The following IL1RAPL2 variants were observed in gnomAD, a reference collection of about 807,000 sequenced individuals.
IL1RAPL2 encodes the protein interleukin 1 receptor accessory protein like 2.
IL1RAPL2 carries 3 observed loss-of-function variants against 44.1 expected under a neutral mutation model. That is an observed-to-expected ratio of 0.07 (90% confidence interval 0.03 to 0.18). The LOEUF is 0.18. Ranked by LOEUF, IL1RAPL2 falls within the 10% of genes least tolerant of loss-of-function variation. IL1RAPL2 has a pLI of 1.00. For missense variants in IL1RAPL2, 391 were observed against 496.4 expected (o/e 0.79, Z 2.02); for synonymous variants, 181 against 178.8 (o/e 1.01, Z -0.10).
At chrX:105,453,352 T>G (rs2036032654) in intron 5 of IL1RAPL2, among the ~76,000 whole-genome samples, 1 of 112,356 alleles carries the variant, frequency 8.9e-6, no homozygotes, top group Admixed American at 9.4e-5. Flanking sequence ...TTGTCCAGAG[T>G]TCTACATTTA....
intron 5 of IL1RAPL2, among the ~76,000 whole-genome samples, chrX:105,355,514 C>G (rs1328793440): frequency 9.0e-6 from 1 of 111,288 alleles, no homozygotes; most frequent in African/African-American, 3.3e-5. Context: ...ATAGCACTCA[C>G]CACATTATAT....
chrX:104,678,533 G>A (rs1468365127), intron 2 of IL1RAPL2, among the ~76,000 whole-genome samples: 1 of 111,425 alleles, frequency 9.0e-6, no homozygotes, highest in African/African-American at 3.3e-5. Flanking sequence ...GTTCAAAGTC[G>A]AGTCTCCCAG....
At chrX:104,828,828 A>G (rs780769770) in intron 2 of IL1RAPL2, among the ~76,000 whole-genome samples, 155 of 112,771 alleles carry the variant, frequency 1.4e-3, no homozygotes, top group Middle Eastern at 4.6e-3. Context: ...TGCCCTGCCC[A>G]GAGAGGAGGA....
At chrX:105,713,521 C>T (rs2038231391) in intron 6 of IL1RAPL2, among the ~76,000 whole-genome samples, 1 of 111,609 alleles carries the variant, frequency 9.0e-6, no homozygotes, top group Admixed American at 9.5e-5. Context: ...ATGGGGGAAA[C>T]TGCCTCCATG....
intron 5 of IL1RAPL2, among the ~76,000 whole-genome samples, chrX:105,387,953 A>G (rs1014528308): frequency 2.8e-5 from 3 of 106,818 alleles, no homozygotes; most frequent in Non-Finnish European, 5.8e-5. Context: ...GTTCGAGACC[A>G]GCGTGACCAA....
rs1203962006 is a variant in IL1RAPL2, at chrX:105,336,974, CT to C, written c.697+69439del. On this transcript the variant is annotated intron_variant, in intron 5 of 10. Coordinates refer to ENST00000372582, the MANE Select transcript of IL1RAPL2 (RefSeq NM_017416.2). Reference sequence around the variant, plus strand: ...TAATTCTGCCTTTCCTGTGAGCTCTCTTTTTTCCATTTCCACCTCCAATACC... The same window carrying C: ...TAATTCTGCCTTTCCTGTGAGCTCTCTTTTTCCATTTCCACCTCCAATACC... Among the ~76,000 whole-genome samples, 7 of 111,615 alleles carry C rather than the reference CT, an allele frequency of 6.3e-5. No homozygotes were observed. The East Asian group carries it at 1.7e-3, about 27-fold the overall frequency.
intron 5 of IL1RAPL2, among the ~76,000 whole-genome samples, chrX:105,330,080 G>A (rs1385390252): frequency 6.3e-5 from 7 of 111,003 alleles, no homozygotes; most frequent in Non-Finnish European, 1.3e-4. Flanking sequence ...TATGACTCAA[G>A]CTAAACTGAC....
At chrX:105,531,320 T>C (rs2036634019) in intron 6 of IL1RAPL2, among the ~76,000 whole-genome samples, 1 of 112,416 alleles carries the variant, frequency 8.9e-6, no homozygotes, top group African/African-American at 3.2e-5. Flanking sequence ...TGAGCACCTT[T>C]TCATATACCT....
At chrX:105,542,142 T>A (rs1046135006) in intron 6 of IL1RAPL2, among the ~76,000 whole-genome samples, 3 of 112,220 alleles carry the variant, frequency 2.7e-5, no homozygotes, top group African/African-American at 9.7e-5. Flanking sequence ...CAAGCTTCAA[T>A]GCTTTTCCAC....
At chrX:105,484,871 G>A (rs763780116) in intron 6 of IL1RAPL2, among the ~76,000 whole-genome samples, 2 of 111,613 alleles carry the variant, frequency 1.8e-5, no homozygotes, top group South Asian at 7.5e-4. Context: ...GAATATTTAT[G>A]AATCATATGA....
chrX:104,877,455 A>C (rs1922938103), intron 2 of IL1RAPL2, among the ~76,000 whole-genome samples: 2 of 112,485 alleles, frequency 1.8e-5, no homozygotes, highest in African/African-American at 6.5e-5. Context: ...TGAGGCCAGC[A>C]TCATCCTGAT....
intron 1 of IL1RAPL2, among the ~76,000 whole-genome samples, chrX:104,620,126 G>A (rs1341159171): frequency 1.8e-5 from 2 of 111,077 alleles, no homozygotes; most frequent in African/African-American, 3.3e-5. Flanking sequence ...GAGTAAGTTA[G>A]AAGTCACATT....
intron 1 of IL1RAPL2, among the ~76,000 whole-genome samples, chrX:104,608,262 A>G (rs971825490): frequency 3.6e-5 from 4 of 110,971 alleles, no homozygotes; most frequent in African/African-American, 1.3e-4. Context: ...TAGCATTAGC[A>G]GAAATACCTA....
chrX:105,315,604 T>TATATA (rs2034833949), intron 5 of IL1RAPL2, among the ~76,000 whole-genome samples: 1 of 21,982 alleles, frequency 4.5e-5, no homozygotes, highest in Admixed American at 9.1e-4. Flanking sequence ...ATATATATGG[T>TATATA]TTTATTAAGT....
intron 5 of IL1RAPL2, among the ~76,000 whole-genome samples, chrX:105,328,716 G>A (rs2034961573): frequency 8.9e-6 from 1 of 111,942 alleles, no homozygotes; most frequent in African/African-American, 3.2e-5. Flanking sequence ...GTGTATGATG[G>A]TGGTCCCATA....
chrX:105,683,906 ATC>A (rs1173606707), intron 6 of IL1RAPL2, among the ~76,000 whole-genome samples: 7 of 112,350 alleles, frequency 6.2e-5, no homozygotes, highest in Non-Finnish European at 1.3e-4. Context: ...CAAATATATC[ATC>A]TCTCTGTAGC....
intron 5 of IL1RAPL2, among the ~76,000 whole-genome samples, chrX:105,471,576 G>A (rs1338011597): frequency 2.9e-5 from 3 of 104,846 alleles, no homozygotes; most frequent in Non-Finnish European, 5.7e-5. Flanking sequence ...GTACTATGCA[G>A]TGCCTTTTTT....
intron 5 of IL1RAPL2, among the ~76,000 whole-genome samples, chrX:105,457,595 A>T (rs185106331): frequency 2.0e-4 from 22 of 109,723 alleles, no homozygotes; most frequent in African/African-American, 7.2e-4. Context: ...ATTGCTTTTT[A>T]TAGCTGAAAA....
chrX:105,040,349 A>G lies in IL1RAPL2; in HGVS notation c.83-155126A>G, dbSNP rs140912947. ...ATATTGGTCTAAAATTCTCTTTTTTAGTTGTGTCTCTGCCAGGCTTTGGTA... is the reference window on the plus strand; with the variant it reads ...ATATTGGTCTAAAATTCTCTTTTTTGGTTGTGTCTCTGCCAGGCTTTGGTA... On this transcript the variant is annotated intron_variant, in intron 2 of 10. Transcript: ENST00000372582. Among the ~76,000 whole-genome samples the G allele has an allele frequency of 6.3e-4, 70 of 110,835 alleles. 2 individuals are homozygous for G. The East Asian group carries it at 0.015, about 25-fold the overall frequency.
Sources: allele counts gnomAD v4.1 joint callset (sites outside exome capture counted in the v4.1 genomes callset), GRCh38; gene constraint gnomAD v4.1.1; transcripts MANE v1.5; gene names NCBI Gene and HGNC (gene_info 2026-07-23, HGNC 2026-07-21).